Variants in GABRG3 observed in about 807,000 individuals in gnomAD.
GABRG3 encodes the protein gamma-aminobutyric acid type A receptor subunit gamma3.
A neutral mutation model predicts 48.8 loss-of-function variants in GABRG3; 25 were observed. The observed-to-expected ratio is 0.51, with a 90% CI of 0.37 to 0.72. GABRG3 has a LOEUF of 0.72. Ranked by LOEUF, GABRG3 falls within the 30% of genes least tolerant of loss-of-function variation. The pLI, the probability that GABRG3 is intolerant of heterozygous loss-of-function variation, is 0.00. For synonymous variants in GABRG3, 227 were observed against 217.6 expected (o/e 1.04, Z -0.38); for missense variants, 394 against 577.9 (o/e 0.68, Z 3.26).
At chr15:27,026,620 C>A in intron 2 of GABRG3, 134 bp from the exon 3 acceptor site, 3 of 480,276 alleles carry the variant, frequency 6.2e-6, no homozygotes, top group Non-Finnish European at 1.1e-5. Context: ...AAGAGAAGTC[C>A]CAAAGAAAGC....
intron 6 of GABRG3, 107 bp downstream of exon 6, chr15:27,480,894 A>T (rs1422664113): frequency 4.0e-5 from 59 of 1,465,196 alleles, no homozygotes; most frequent in Non-Finnish European, 5.2e-5. Context: ...ATGATACATA[A>T]GTGATATTTG....
Position 27,180,999 on chromosome 15 carries a change from C to T in GABRG3, c.271-145810C>T, listed in dbSNP as rs1370804561. On this transcript the variant is annotated intron_variant, in intron 3 of 9. Transcript: ENST00000615808. The surrounding 1 kb of genome is among the most constrained non-coding windows in gnomAD (Gnocchi z 4.2). Reference sequence around the variant, plus strand: ...CTGACTTCTTAGGAGGGCCGTAGTTCACAACTTCATGAGATGGCACAGGGC... The same window carrying T: ...CTGACTTCTTAGGAGGGCCGTAGTTTACAACTTCATGAGATGGCACAGGGC... Among the ~76,000 whole-genome samples, 1 of 152,274 alleles carries T rather than the reference C, an allele frequency of 6.6e-6. No homozygotes were observed. The highest frequency in any genetic ancestry group is 1.9e-4 in the East Asian group (1 of 5,174).
chr15:27,133,737 G>A (rs1897960964), intron 3 of GABRG3, among the ~76,000 whole-genome samples: 1 of 152,198 alleles, frequency 6.6e-6, no homozygotes, highest in East Asian at 1.9e-4. Flanking sequence ...AATTTGTCAT[G>A]TGCAAAGATG....
chr15:27,282,482 C>T (rs774350078), intron 3 of GABRG3, among the ~76,000 whole-genome samples: 1 of 152,166 alleles, frequency 6.6e-6, no homozygotes, highest in African/African-American at 2.4e-5. Context: ...TCTCTCGCAT[C>T]CATTCTTCTA....
At chr15:27,357,461 C>A (rs1894878879) in intron 5 of GABRG3, among the ~76,000 whole-genome samples, 1 of 152,146 alleles carries the variant, frequency 6.6e-6, no homozygotes, top group African/African-American at 2.4e-5. Context: ...TTATCTCTAT[C>A]ATTATTCACT....
intron 6 of GABRG3, among the ~76,000 whole-genome samples, chr15:27,518,348 G>A (rs1464569187): frequency 7.3e-6 from 1 of 136,398 alleles, no homozygotes. Flanking sequence ...TAGCCTGGGT[G>A]ACAAGAGTGA....
intron 3 of GABRG3, among the ~76,000 whole-genome samples, chr15:27,148,168 G>C (rs1276295330): frequency 6.6e-6 from 1 of 151,610 alleles, no homozygotes; most frequent in Non-Finnish European, 1.5e-5. Flanking sequence ...AATTACAAAA[G>C]AATACTTTGA....
At chr15:27,347,553 C>A (rs940079840) in intron 5 of GABRG3, among the ~76,000 whole-genome samples, 8 of 152,190 alleles carry the variant, frequency 5.3e-5, no homozygotes, top group African/African-American at 1.9e-4. Flanking sequence ...TCTTTCTCTG[C>A]TAGAGTAGGT....
chr15:27,209,270 G>A (rs1337151613), intron 3 of GABRG3, among the ~76,000 whole-genome samples: 2 of 152,220 alleles, frequency 1.3e-5, no homozygotes, highest in Non-Finnish European at 2.9e-5. Flanking sequence ...TGAGCAGCAC[G>A]CAGATGATGG....
chr15:27,004,406 C>G (rs890801754), intron 2 of GABRG3, among the ~76,000 whole-genome samples: 1 of 150,438 alleles, frequency 6.6e-6, no homozygotes, highest in African/African-American at 2.5e-5. Flanking sequence ...CGGGAAGAGG[C>G]GCTCCTCACT....
chr15:27,158,106 GT>G (rs1254454937), intron 3 of GABRG3: 5 of 152,240 alleles, frequency 3.3e-5, no homozygotes, highest in Non-Finnish European at 7.3e-5. Flanking sequence ...GTCAGGTGAA[GT>G]TTTCAGGTGG....
intron 3 of GABRG3, among the ~76,000 whole-genome samples, chr15:27,238,489 A>G (rs1372622214): frequency 3.3e-5 from 5 of 152,182 alleles, no homozygotes; most frequent in Admixed American, 1.3e-4. Context: ...AGTTACATAG[A>G]TCTGGATGAG....
intron 5 of GABRG3, among the ~76,000 whole-genome samples, chr15:27,371,376 G>C (rs946264862): frequency 6.6e-6 from 1 of 152,090 alleles, no homozygotes; most frequent in Admixed American, 6.5e-5. Context: ...TTGGTGAGGC[G>C]ATGCATATAA....
intron 4 of GABRG3, 99 bp downstream of exon 4, chr15:27,327,128 A>T: frequency 9.4e-7 from 1 of 1,067,924 alleles, no homozygotes; most frequent in Non-Finnish European, 1.4e-6. Flanking sequence ...CTCTAAGTCT[A>T]TTCTCTTTCA....
At chr15:27,200,518 A>T (rs887226468) in intron 3 of GABRG3, among the ~76,000 whole-genome samples, 4 of 152,162 alleles carry the variant, frequency 2.6e-5, no homozygotes, top group African/African-American at 9.7e-5. Flanking sequence ...GGTGCCCCAG[A>T]CACATTACTG....
chr15:27,344,815 G>GAT (rs201245928), intron 5 of GABRG3, among the ~76,000 whole-genome samples: 242 of 151,154 alleles, frequency 1.6e-3, no homozygotes, highest in African/African-American at 5.3e-3. Context: ...TATAACAGTG[G>GAT]ATATATATAT....
intron 5 of GABRG3, among the ~76,000 whole-genome samples, chr15:27,390,007 A>G (rs1176195885): frequency 6.6e-6 from 1 of 152,212 alleles, no homozygotes; most frequent in Non-Finnish European, 1.5e-5. Flanking sequence ...CCAAGAATTT[A>G]TTAAAGAATG....
chr15:26,973,456 G>T (rs1894881587), intron 1 of GABRG3, among the ~76,000 whole-genome samples: 1 of 152,160 alleles, frequency 6.6e-6, no homozygotes, highest in African/African-American at 2.4e-5. Context: ...TTTGTTCTCT[G>T]AATGGGTTTT....
intron 3 of GABRG3, among the ~76,000 whole-genome samples, chr15:27,315,530 T>C (rs552620993): frequency 1.7e-4 from 26 of 152,330 alleles, no homozygotes; most frequent in Admixed American, 7.2e-4. Flanking sequence ...ACGTATTATA[T>C]AGACATATTC....
Sources: allele counts gnomAD v4.1 joint callset (sites outside exome capture counted in the v4.1 genomes callset), GRCh38; gene constraint gnomAD v4.1.1; non-coding constraint Gnocchi (gnomAD v3.1); transcripts MANE v1.5; gene names NCBI Gene and HGNC (gene_info 2026-07-23, HGNC 2026-07-21).